SLC35F1: variants seen among roughly 807,000 people sequenced by gnomAD.
SLC35F1 encodes chromosome 6 open reading frame 169.
In SLC35F1, 14 loss-of-function variants were observed where a neutral mutation model predicts 48.7. That is an observed-to-expected ratio of 0.29 (90% CI 0.19 to 0.45). The LOEUF (loss-of-function observed/expected upper bound fraction) is 0.45. Ranked by LOEUF, SLC35F1 falls within the 20% of genes least tolerant of loss-of-function variation. The probability of loss-of-function intolerance (pLI) is 1.00; values close to 1 mark genes in which losing one functional copy is unlikely to be tolerated. For synonymous variants in SLC35F1, 190 were observed against 202.2 expected, an observed-to-expected ratio of 0.94 and a Z score of 0.51; for missense variants, 404 against 500.0, an observed-to-expected ratio of 0.81 and a Z score of 1.83.
chr6:118,153,119 A>C (rs1347996198), intron 1 of SLC35F1, among the ~76,000 whole-genome samples: 5 of 152,224 alleles, frequency 3.3e-5, no homozygotes, highest in Non-Finnish European at 5.9e-5. Context: ...ATACAACCAA[A>C]GTACTGCCCA....
chr6:118,000,092 C>T (rs907389227), intron 1 of SLC35F1, among the ~76,000 whole-genome samples: 1 of 152,178 alleles, frequency 6.6e-6, no homozygotes, highest in African/African-American at 2.4e-5. Flanking sequence ...CTCCCTAACT[C>T]ATTTTACGAG....
At chr6:118,189,725 A>G (rs1174609791) in intron 2 of SLC35F1, among the ~76,000 whole-genome samples, 1 of 152,238 alleles carries the variant, frequency 6.6e-6, no homozygotes. Flanking sequence ...ATGTTTCACA[A>G]ATCGGGCAGC....
At position 117,979,327 on chromosome 6, in the gene SLC35F1, C is replaced by T. The variant is rs528189730; in HGVS notation, c.173+71428C>T. ...ATAATATCACAACCCTCCGTTACCC[C>T]ATTGGAAGATTTTCTTATGAGTCAG... On this transcript the variant is annotated intron_variant, in intron 1 of 7. Transcript: ENST00000360388. Among the ~76,000 whole-genome samples the T allele has an allele frequency of 3.3e-5, 5 of 152,290 alleles. No homozygotes were observed. In the East Asian group the frequency reaches 9.6e-4, roughly 29 times the overall value.
rs530830654 is a variant in SLC35F1, at chr6:118,049,660, A to G, written c.174-104785A>G. ...CAGAGAAATGCAAATCAAAACCACA[A>G]TGAGACACCATCTCACACCAGTTAG... is the stretch of plus-strand genomic sequence containing the variant. On this transcript the variant is annotated intron_variant, in intron 1 of 7. Coordinates refer to ENST00000360388, the MANE Select transcript of SLC35F1 (RefSeq NM_001029858.4). Among the ~76,000 whole-genome samples, 7 of 151,994 alleles carry G rather than the reference A, an allele frequency of 4.6e-5. No individual in the cohort carries two copies. The South Asian group carries it at 1.5e-3, about 32-fold the overall frequency.
At chr6:118,113,192 A>G (rs148389584) in intron 1 of SLC35F1, among the ~76,000 whole-genome samples, 16 of 152,194 alleles carry the variant, frequency 1.1e-4, no homozygotes, top group East Asian at 1.9e-4. Context: ...CTGGGCTCCA[A>G]TGATCCACCT....
chr6:117,944,939 G>A (rs993750131), intron 1 of SLC35F1, among the ~76,000 whole-genome samples: 1 of 152,126 alleles, frequency 6.6e-6, no homozygotes, highest in Non-Finnish European at 1.5e-5. Flanking sequence ...GGGGCAGAGG[G>A]CATTTGTTTA....
At chr6:118,040,411 G>A (rs1396543537) in intron 1 of SLC35F1, among the ~76,000 whole-genome samples, 1 of 152,090 alleles carries the variant, frequency 6.6e-6, no homozygotes, top group Non-Finnish European at 1.5e-5. Context: ...TCAGCGAAAA[G>A]GGATGGATTA....
At chr6:118,292,076 C>T (rs1297823541) in intron 7 of SLC35F1, among the ~76,000 whole-genome samples, 3 of 152,086 alleles carry the variant, frequency 2.0e-5, no homozygotes, top group African/African-American at 7.2e-5. Context: ...TGAGAGCAGG[C>T]CACTGCACTC....
chr6:118,240,529 A>G (rs1435085149), intron 3 of SLC35F1, among the ~76,000 whole-genome samples: 1 of 152,228 alleles, frequency 6.6e-6, no homozygotes, highest in African/African-American at 2.4e-5. Flanking sequence ...ATGTAAGCAA[A>G]AATAAATACT....
At chr6:118,303,575 T>C (rs2114662916) in intron 7 of SLC35F1, among the ~76,000 whole-genome samples, 1 of 152,300 alleles carries the variant, frequency 6.6e-6, no homozygotes, top group South Asian at 2.1e-4. Flanking sequence ...ATGCTTATCA[T>C]GGTACTCTAT....
At chr6:118,006,269 A>AAATG (rs1451813700) in intron 1 of SLC35F1, among the ~76,000 whole-genome samples, 1 of 152,136 alleles carries the variant, frequency 6.6e-6, no homozygotes, top group Non-Finnish European at 1.5e-5. Flanking sequence ...ATGTCTGAAA[A>AAATG]AATGTCGAGA....
intron 5 of SLC35F1, among the ~76,000 whole-genome samples, chr6:118,275,996 A>T (rs1775913817): frequency 1.3e-5 from 2 of 152,184 alleles, no homozygotes; most frequent in Admixed American, 1.3e-4. Context: ...GACAACCACC[A>T]ATAGAAAACT....
chr6:118,273,698 T>C (rs1775886345), intron 4 of SLC35F1, among the ~76,000 whole-genome samples: 1 of 152,230 alleles, frequency 6.6e-6, no homozygotes, highest in Non-Finnish European at 1.5e-5. Context: ...CTAAAAGATC[T>C]GCCCAGGGAC....
At chr6:117,961,239 T>C (rs1393758892) in intron 1 of SLC35F1, among the ~76,000 whole-genome samples, 1 of 152,176 alleles carries the variant, frequency 6.6e-6, no homozygotes, top group African/African-American at 2.4e-5. Flanking sequence ...CATGAATGGA[T>C]AACTGAAGAA....
At chr6:117,988,139 G>A (rs17079603) in intron 1 of SLC35F1, among the ~76,000 whole-genome samples, 1,597 of 152,258 alleles carry the variant, frequency 0.01, 17 homozygotes, top group Middle Eastern at 0.034. Context: ...GGGCTCCATC[G>A]TTACTGAGTT....
intron 2 of SLC35F1, among the ~76,000 whole-genome samples, chr6:118,179,864 G>A (rs760526415): frequency 4.6e-5 from 7 of 152,066 alleles, no homozygotes; most frequent in South Asian, 2.1e-4. Context: ...ACTGCTGCTC[G>A]TAGTGTTCTA....
chr6:118,276,228 C>T (rs1350539600), intron 5 of SLC35F1, among the ~76,000 whole-genome samples: 1 of 152,176 alleles, frequency 6.6e-6, no homozygotes, highest in Admixed American at 6.5e-5. Flanking sequence ...ACTATTGCCT[C>T]AGAATTTGTT....
chr6:117,913,873 A>G (rs539986823), intron 1 of SLC35F1, among the ~76,000 whole-genome samples: 41 of 152,300 alleles, frequency 2.7e-4, no homozygotes, highest in African/African-American at 8.7e-4. Flanking sequence ...CAACATGGCG[A>G]AACCCCATCT....
At chr6:118,095,640 G>A (rs978327559) in intron 1 of SLC35F1, among the ~76,000 whole-genome samples, 1 of 152,100 alleles carries the variant, frequency 6.6e-6, no homozygotes, top group Admixed American at 6.6e-5. Flanking sequence ...CTGAAATTTT[G>A]ATATCTGCAG....
Sources: allele counts gnomAD v4.1 joint callset (sites outside exome capture counted in the v4.1 genomes callset), GRCh38; gene constraint gnomAD v4.1.1; transcripts MANE v1.5; gene names NCBI Gene and HGNC (gene_info 2026-07-23, HGNC 2026-07-21).